The following AFF3 variants were observed in gnomAD, a reference collection of about 807,000 sequenced individuals.
AFF3 encodes the protein AF4/FMR2 family member 3.
AFF3 carries 32 observed loss-of-function variants against 129.7 expected under a neutral mutation model. That is an observed-to-expected ratio of 0.25 (90% CI 0.19 to 0.33). The LOEUF is 0.33. AFF3 is among the 10% of genes least tolerant of loss of function. The probability of loss-of-function intolerance (pLI) is 1.00; values close to 1 mark genes in which losing one functional copy is unlikely to be tolerated. For synonymous variants in AFF3, 644 were observed against 635.4 expected (o/e 1.01, Z -0.20); for missense variants, 1,373 against 1,592.0 (o/e 0.86, Z 2.34).
At chr2:99,574,339 A>C (rs1676784977) in intron 18 of AFF3, among the ~76,000 whole-genome samples, 1 of 152,244 alleles carries the variant, frequency 6.6e-6, no homozygotes, top group African/African-American at 2.4e-5. Flanking sequence ...TGACCTGATT[A>C]CATTTTTAAA....
intron 11 of AFF3, among the ~76,000 whole-genome samples, chr2:99,681,187 T>A (rs908304100): frequency 2.6e-5 from 4 of 152,176 alleles, no homozygotes; most frequent in African/African-American, 9.7e-5. Flanking sequence ...TCATAAGAGC[T>A]GAAGGTCATG....
chr2:100,132,176 G>A (rs1462578230), intron 1 of AFF3, among the ~76,000 whole-genome samples: 1 of 152,194 alleles, frequency 6.6e-6, no homozygotes, highest in Non-Finnish European at 1.5e-5. Flanking sequence ...GTACAGCATG[G>A]TGACTATACT....
At chr2:100,098,440 A>C (rs913989784) in intron 4 of AFF3, among the ~76,000 whole-genome samples, 1 of 151,316 alleles carries the variant, frequency 6.6e-6, no homozygotes, top group Non-Finnish European at 1.5e-5. Context: ...CTTACACACA[A>C]AATCTTGCAT....
At chr2:99,646,011 T>C (rs1214203652) in intron 13 of AFF3, among the ~76,000 whole-genome samples, 1 of 152,180 alleles carries the variant, frequency 6.6e-6, no homozygotes, top group Non-Finnish European at 1.5e-5. Context: ...CTTTTTCTTA[T>C]AACTGGTCTC....
Position 99,991,918 on chromosome 2 carries a change from A to AC in AFF3, c.873+14713_873+14714insG, listed in dbSNP as rs572599504. On this transcript the variant is annotated intron_variant, in intron 7 of 24. Transcript: ENST00000672756. Reference sequence around the variant, plus strand: ...ATTTTGTCTCAAAAACAAAAACAAAAACAAAAAAACCCAAAAAACCTTATC... The same window carrying AC: ...ATTTTGTCTCAAAAACAAAAACAAAACACAAAAAAACCCAAAAAACCTTATC... Among the ~76,000 whole-genome samples, 285 of 150,606 alleles carry AC rather than the reference A, an allele frequency of 1.9e-3. 1 individual carries two copies. The highest frequency in any genetic ancestry group is 3.1e-3 in the South Asian group (15 of 4,816).
Position 100,104,459 on chromosome 2 carries a change from G to C in AFF3, c.-5C>G. 4 of 1,315,604 alleles carry C rather than the reference G, an allele frequency of 3.0e-6. No homozygotes were observed. Among genetic ancestry groups the C allele is most frequent in the Non-Finnish European group, 4.0e-6 (4 of 1,008,512 alleles). The allele number at this position is 1,315,604 out of a possible 1,614,324, so 81.5% of individuals were successfully genotyped here. A position where few individuals can be genotyped will look rare whatever the true frequency, so the allele number is the denominator to read the frequency against. ...GGCTAAGTCGAAGCTGTCCATGGTG[G>C]GAGGTGTCAGCGTCGCCGCCGCCGC... On this transcript the variant is annotated 5_prime_UTR_variant, in exon 4 of 25. Coordinates refer to ENST00000672756, the MANE Select transcript of AFF3 (RefSeq NM_001386135.1).
At chr2:100,048,751 T>C (rs1451904272) in intron 4 of AFF3, among the ~76,000 whole-genome samples, 1 of 152,184 alleles carries the variant, frequency 6.6e-6, no homozygotes, top group East Asian at 1.9e-4. Flanking sequence ...CAAATCTTAA[T>C]ATATGGTGTG....
chr2:99,659,920 T>C (rs1258859010), intron 12 of AFF3, among the ~76,000 whole-genome samples: 2 of 152,204 alleles, frequency 1.3e-5, no homozygotes, highest in Non-Finnish European at 1.5e-5. Context: ...ATCATGACTC[T>C]GTGGCCTGCT....
chr2:99,672,020 A>G (rs1170988317), intron 12 of AFF3, among the ~76,000 whole-genome samples: 1 of 152,152 alleles, frequency 6.6e-6, no homozygotes, highest in African/African-American at 2.4e-5. Flanking sequence ...GAGCATAATT[A>G]CTTTTTATTC....
intron 7 of AFF3, among the ~76,000 whole-genome samples, chr2:99,895,806 C>T (rs555766912): frequency 1.5e-4 from 23 of 152,294 alleles, no homozygotes; most frequent in African/African-American, 4.6e-4. Flanking sequence ...TGGTGGCTCA[C>T]GCCTGGAATC....
rs933212439 is a variant in AFF3, at chr2:99,569,435, T to C, written c.2919-520A>G. ...CCTCACAGTGAAAAATAAAAAGAGG[T>C]AATGTTGGATGATTACATTCCAGTT... On this transcript the variant is annotated intron_variant, in intron 18 of 24. Coordinates refer to ENST00000672756, the MANE Select transcript of AFF3 (RefSeq NM_001386135.1). 2.0e-5 allele frequency among the ~76,000 whole-genome samples: 3 copies of C among 152,112 alleles called. 1 individual carries two copies. In the East Asian group the frequency reaches 5.8e-4, roughly 29 times the overall value.
chr2:100,100,864 C>G (rs569962124), intron 4 of AFF3, among the ~76,000 whole-genome samples: 1 of 152,196 alleles, frequency 6.6e-6, no homozygotes, highest in African/African-American at 2.4e-5. Context: ...GAAGGAAGAC[C>G]AGGGAGTGGA....
At chr2:99,866,962 C>A (rs1037766299) in intron 7 of AFF3, among the ~76,000 whole-genome samples, 32 of 93,884 alleles carry the variant, frequency 3.4e-4, no homozygotes, top group Non-Finnish European at 4.8e-4. Context: ...GGTAACACAG[C>A]ATAATAATAA....
intron 9 of AFF3, among the ~76,000 whole-genome samples, chr2:99,747,325 C>T (rs919813755): frequency 1.3e-5 from 2 of 151,570 alleles, no homozygotes; most frequent in African/African-American, 2.4e-5. Flanking sequence ...CCACTGCGCC[C>T]GGCCTATCTT....
intron 12 of AFF3, among the ~76,000 whole-genome samples, chr2:99,659,712 T>C (rs1686060346): frequency 6.6e-6 from 1 of 152,146 alleles, no homozygotes; most frequent in South Asian, 2.1e-4. Context: ...GACTGGAGCA[T>C]GAGGCGATCG....
intron 7 of AFF3, among the ~76,000 whole-genome samples, chr2:99,970,097 T>A (rs1678210666): frequency 6.6e-6 from 1 of 152,176 alleles, no homozygotes; most frequent in African/African-American, 2.4e-5. Context: ...CATTTTCTGA[T>A]AAGGGATAAA....
At position 99,932,326 on chromosome 2, in the gene AFF3, T is replaced by C. The variant is rs994148184; in HGVS notation, c.873+74306A>G. 1.6e-4 allele frequency among the ~76,000 whole-genome samples: 24 copies of C among 152,198 alleles called. 1 individual carries two copies. Among genetic ancestry groups the C allele is most frequent in the African/African-American group, 1.4e-4 (6 of 41,458 alleles). On this transcript the variant is annotated intron_variant, in intron 7 of 24. Coordinates refer to ENST00000672756, the MANE Select transcript of AFF3 (RefSeq NM_001386135.1). ...GCCAAAAAACTGGACACTCCTGGTATAGATGGTGTGGCTCATTCTGCTCAT... is the reference window on the plus strand; with the variant it reads ...GCCAAAAAACTGGACACTCCTGGTACAGATGGTGTGGCTCATTCTGCTCAT...
At chr2:100,012,204 C>T (rs1245441372) in intron 4 of AFF3, among the ~76,000 whole-genome samples, 1 of 152,136 alleles carries the variant, frequency 6.6e-6, no homozygotes, top group African/African-American at 2.4e-5. Flanking sequence ...AAGATGAACC[C>T]AGAATGACTC....
At chr2:99,896,361 A>C (rs1693944270) in intron 7 of AFF3, among the ~76,000 whole-genome samples, 1 of 152,020 alleles carries the variant, frequency 6.6e-6, no homozygotes, top group African/African-American at 2.4e-5. Context: ...TGTGATCCCC[A>C]AATTCCAGAA....
Sources: gnomAD v4.1 joint callset for allele counts (sites outside exome capture counted in the v4.1 genomes callset) on GRCh38, gnomAD v4.1.1 for gene constraint, MANE v1.5 for transcripts, NCBI Gene and HGNC (gene_info 2026-07-23, HGNC 2026-07-21) for gene names.